POT1: variants seen among roughly 807,000 people sequenced by gnomAD.
POT1 encodes the protein protection of telomeres protein 1.
Under a neutral mutation model 78.5 loss-of-function variants are expected in POT1, and 47 were observed. The observed-to-expected ratio is 0.60, with a 90% CI of 0.47 to 0.76. The LOEUF (loss-of-function observed/expected upper bound fraction) is 0.76. Among genes scored for constraint, POT1 ranks in the 30% least tolerant of loss-of-function variants. The pLI, the probability that POT1 is intolerant of heterozygous loss-of-function variation, is 0.00. For missense variants in POT1, 646 were observed against 749.9 expected (o/e 0.86, Z 1.62); for synonymous variants, 259 against 260.7 (o/e 0.99, Z 0.06).
chr7:124,888,379 AT>A, intron 6 of POT1, among the ~76,000 whole-genome samples: 1 of 152,180 alleles, frequency 6.6e-6, no homozygotes, highest in South Asian at 2.1e-4. Flanking sequence ...TTTTTAACGT[AT>A]TTTGAAATTA....
At chr7:124,852,737 G>T (rs1411431235) in intron 10 of POT1, among the ~76,000 whole-genome samples, 1 of 152,124 alleles carries the variant, frequency 6.6e-6, no homozygotes, top group Non-Finnish European at 1.5e-5. Context: ...AGAGAAGCAT[G>T]AGTGTAAAAG....
chr7:124,893,243 T>C (rs1796415087), intron 5 of POT1, among the ~76,000 whole-genome samples: 1 of 151,326 alleles, frequency 6.6e-6, no homozygotes, highest in Non-Finnish European at 1.5e-5. Context: ...TTGAAACTTG[T>C]GGTACAATTT....
intron 3 of POT1, among the ~76,000 whole-genome samples, chr7:124,907,094 GA>G (rs1470317935): frequency 3.9e-5 from 6 of 151,958 alleles, no homozygotes; most frequent in African/African-American, 1.2e-4. Context: ...CCAGCCTGGA[GA>G]AAAAAATACT....
At chr7:124,838,634 T>C (rs923803645) in intron 14 of POT1, among the ~76,000 whole-genome samples, 1 of 151,972 alleles carries the variant, frequency 6.6e-6, no homozygotes, top group Admixed American at 6.6e-5. Context: ...AGATGAAGTT[T>C]CGCTCTTGTT....
intron 15 of POT1, among the ~76,000 whole-genome samples, chr7:124,830,235 T>C (rs1006211326): frequency 1.3e-5 from 2 of 152,250 alleles, no homozygotes; most frequent in Non-Finnish European, 2.9e-5. Flanking sequence ...TTTGCTTTAC[T>C]TGAATACCAA....
intron 16 of POT1, among the ~76,000 whole-genome samples, chr7:124,828,080 T>C (rs190591532): frequency 9.3e-4 from 142 of 152,122 alleles, no homozygotes; most frequent in Middle Eastern, 3.4e-3. Flanking sequence ...ATAGCCTCCA[T>C]AGAAACCACA....
chr7:124,835,151 G>A lies in POT1; in HGVS notation c.1505+128C>T, dbSNP rs930402354. 3 of 1,120,464 alleles carry A rather than the reference G, an allele frequency of 2.7e-6. No homozygotes were observed. In the African/African-American group the frequency reaches 4.7e-5, roughly 18 times the overall value. 69.4% of individuals were successfully genotyped at this position (1,120,464 alleles called of 1,614,324 possible). On this transcript the variant is annotated intron_variant, in intron 15 of 18. Transcript: ENST00000357628. ...GAGAAATGCCTAATGCAGGTGACGGGTTGATGGGTGCAGCAAACCACAATA... is the reference window on the plus strand; with the variant it reads ...GAGAAATGCCTAATGCAGGTGACGGATTGATGGGTGCAGCAAACCACAATA...
chr7:124,863,202 A>G, intron 8 of POT1, 148 bp downstream of exon 8: 1 of 708,652 alleles, frequency 1.4e-6, no homozygotes, highest in South Asian at 2.1e-5. Flanking sequence ...GAGCTGCATG[A>G]ATATTGAGGC....
chr7:124,854,370 A>G (rs1431232245), intron 9 of POT1, among the ~76,000 whole-genome samples: 1 of 151,984 alleles, frequency 6.6e-6, no homozygotes, highest in Non-Finnish European at 1.5e-5. Context: ...ACTGGCACTC[A>G]AAAAGATCTG....
intron 8 of POT1, among the ~76,000 whole-genome samples, chr7:124,861,858 G>A (rs997670288): frequency 6.6e-6 from 1 of 152,228 alleles, no homozygotes; most frequent in South Asian, 2.1e-4. Context: ...TATTAAATAG[G>A]GAATCCTTTC....
chr7:124,838,638 T>C (rs1295267564), intron 14 of POT1, among the ~76,000 whole-genome samples: 1 of 151,756 alleles, frequency 6.6e-6, no homozygotes, highest in Non-Finnish European at 1.5e-5. Context: ...GAAGTTTCGC[T>C]CTTGTTACCC....
At chr7:124,903,946 C>T (rs1316106529) in intron 3 of POT1, among the ~76,000 whole-genome samples, 1 of 152,130 alleles carries the variant, frequency 6.6e-6, no homozygotes, top group African/African-American at 2.4e-5. Flanking sequence ...TAGACACACA[C>T]CCTCCCAAGA....
intron 6 of POT1, 116 bp downstream of exon 6, chr7:124,892,150 G>A (rs1796387070): frequency 1.7e-6 from 1 of 601,502 alleles, no homozygotes. Flanking sequence ...GTGTTGTTTG[G>A]CAATTATAGG....
chr7:124,917,934 G>C, intron 2 of POT1, among the ~76,000 whole-genome samples: 1 of 151,872 alleles, frequency 6.6e-6, no homozygotes. Context: ...AGGTGTAGGG[G>C]AGGGGAGGCA....
At chr7:124,861,049 T>C (rs1584771374) in intron 8 of POT1, among the ~76,000 whole-genome samples, 4 of 152,216 alleles carry the variant, frequency 2.6e-5, no homozygotes, top group East Asian at 1.9e-4. Flanking sequence ...CTAATGTGAA[T>C]AGTGCCACAA....
intron 6 of POT1, among the ~76,000 whole-genome samples, chr7:124,877,259 C>T (rs982579138): frequency 3.9e-5 from 6 of 152,052 alleles, no homozygotes; most frequent in Non-Finnish European, 5.9e-5. Flanking sequence ...GGAATAATTT[C>T]GATACTTCAA....
intron 18 of POT1, among the ~76,000 whole-genome samples, chr7:124,824,863 C>T (rs75791754): frequency 0.074 from 4,615 of 62,624 alleles, 240 homozygotes; most frequent in African/African-American, 0.18. Flanking sequence ...AACTAGTTAA[C>T]AATAAATAAA....
intron 9 of POT1, among the ~76,000 whole-genome samples, chr7:124,858,114 T>G (rs1286098883): frequency 3.9e-5 from 6 of 152,272 alleles, no homozygotes; most frequent in African/African-American, 1.4e-4. Context: ...GCACTCCAGT[T>G]CCTGCCCGTG....
intron 8 of POT1, among the ~76,000 whole-genome samples, chr7:124,859,533 CTTAAA>C: frequency 6.6e-6 from 1 of 151,892 alleles, no homozygotes; most frequent in East Asian, 1.9e-4. Context: ...CAGTCTCATT[CTTAAA>C]TTAGTTGTAA....
Sources: gnomAD v4.1 joint callset for allele counts (sites outside exome capture counted in the v4.1 genomes callset) on GRCh38, gnomAD v4.1.1 for gene constraint, MANE v1.5 for transcripts, NCBI Gene and HGNC (gene_info 2026-07-23, HGNC 2026-07-21) for gene names.